Variants in RASGRF1 observed in about 807,000 individuals in gnomAD.
The protein encoded by RASGRF1 is ras-specific guanine nucleotide-releasing factor 1.
RASGRF1 carries 40 observed loss-of-function variants against 138.7 expected under a neutral mutation model. The ratio of observed to expected loss-of-function variants is 0.29; its 90% confidence interval spans 0.22 to 0.38. The LOEUF (loss-of-function observed/expected upper bound fraction) is 0.38. Among genes scored for constraint, RASGRF1 ranks in the 10% least tolerant of loss-of-function variants. The pLI is 1.00. For synonymous variants in RASGRF1, 614 were observed against 663.2 expected, an observed-to-expected ratio of 0.93 and a Z score of 1.14; for missense variants, 1,108 against 1,650.4, an observed-to-expected ratio of 0.67 and a Z score of 5.69.
Position 79,050,362 on chromosome 15 carries a change from T to C in RASGRF1, c.532-774A>G, listed in dbSNP as rs2057414165. Among the ~76,000 whole-genome samples the C allele has an allele frequency of 6.6e-6, 1 of 152,250 alleles. No individual in the cohort carries two copies. On this transcript the variant is annotated intron_variant, in intron 3 of 26. Transcript: ENST00000558480. The surrounding 1 kb of genome is among the most constrained non-coding windows in gnomAD (Gnocchi z 4.1). ...TTCAAGGCCAAGCAATATTCCCTTGTGTGTGTAGACCACATTTTATTTATC... is the reference window on the plus strand; with the variant it reads ...TTCAAGGCCAAGCAATATTCCCTTGCGTGTGTAGACCACATTTTATTTATC...
In RASGRF1 at chr15:78,986,681, TA is replaced by T. The variant is rs981716543; in HGVS notation, c.3217-1478del. On this transcript the variant is annotated intron_variant, in intron 22 of 26. Transcript: ENST00000558480. ...GTTTAATTATTTTAAAATAAAAAGT[TA>T]AAAAAAAGACTACTACTTTAAAAAA... Among the ~76,000 whole-genome samples, 17 of 151,558 alleles carry T rather than the reference TA, an allele frequency of 1.1e-4. 1 individual carries two copies. Among genetic ancestry groups the T allele is most frequent in the African/African-American group, 2.9e-4 (12 of 41,234 alleles).
At chr15:79,009,838 C>A (rs572999808) in intron 13 of RASGRF1, among the ~76,000 whole-genome samples, 1 of 152,016 alleles carries the variant, frequency 6.6e-6, no homozygotes, top group Non-Finnish European at 1.5e-5. Flanking sequence ...GATTCTCCTG[C>A]CTCAGCCTCC....
intron 1 of RASGRF1, among the ~76,000 whole-genome samples, chr15:79,074,560 C>A (rs1355374741): frequency 1.3e-5 from 2 of 152,228 alleles, no homozygotes; most frequent in Non-Finnish European, 2.9e-5. Context: ...CTGGAAGGTG[C>A]CATGGGCTGT....
At position 79,090,683 on chromosome 15, in the gene RASGRF1, T is replaced by G; in HGVS notation, c.-185A>C. 2.6e-6 allele frequency: 2 copies of G among 769,632 alleles called. No individual in the cohort carries two copies. The highest frequency in any genetic ancestry group is 4.0e-6 in the Non-Finnish European group (2 of 495,988). The allele number at this position is 769,632 out of a possible 1,614,324, so 47.7% of individuals were successfully genotyped here. ...AGCCGCGGCTTCTTGAATCCAGATA[T>G]ACCATTCCCCGCTGGAACCTCTTCT... On this transcript the variant is annotated 5_prime_UTR_variant, in exon 1 of 27. Transcript: ENST00000558480.
intron 12 of RASGRF1, 68 bp downstream of exon 12, chr15:79,017,695 TGCCACCA>T (rs1221080384): frequency 1.4e-4 from 119 of 880,034 alleles, no homozygotes; most frequent in Non-Finnish European, 2.0e-4. Context: ...ACCCCCTACC[TGCCACCA>T]GCCAAATCCC....
At chr15:79,002,548 C>CAT (rs767604041) in intron 15 of RASGRF1, among the ~76,000 whole-genome samples, 6 of 152,192 alleles carry the variant, frequency 3.9e-5, no homozygotes, top group African/African-American at 7.2e-5. Context: ...AACAAATACA[C>CAT]ATACACACAC....
At chr15:79,045,034 G>C (rs1450947102) in intron 5 of RASGRF1, among the ~76,000 whole-genome samples, 1 of 152,158 alleles carries the variant, frequency 6.6e-6, no homozygotes, top group African/African-American at 2.4e-5. Context: ...AGTTTGCAAT[G>C]GTGGCCTAAA....
At chr15:79,072,094 T>C (rs2057763742) in intron 1 of RASGRF1, among the ~76,000 whole-genome samples, 1 of 152,020 alleles carries the variant, frequency 6.6e-6, no homozygotes, top group South Asian at 2.1e-4. Flanking sequence ...ACAGGCCTGC[T>C]TTGGTTCAAG....
rs543423272 is a variant in RASGRF1 at position 78,979,032 on chromosome 15, A to G, written c.3494+1588T>C. On this transcript the variant is annotated intron_variant, in intron 24 of 26. Coordinates refer to ENST00000558480, the MANE Select transcript of RASGRF1 (RefSeq NM_001145648.3). Reference sequence around the variant, plus strand: ...GAGGCAGCGGTGGTGGCGGCGGCAGACGAGGAAGCCAGCCATGTGAGGAGG... The same window carrying G: ...GAGGCAGCGGTGGTGGCGGCGGCAGGCGAGGAAGCCAGCCATGTGAGGAGG... 3 of 1,293,030 alleles carry G rather than the reference A, an allele frequency of 2.3e-6. No homozygotes were observed. In the African/African-American group the frequency reaches 4.6e-5, roughly 20 times the overall value. 80.1% of individuals were successfully genotyped at this position (1,293,030 alleles called of 1,614,324 possible). A position where few individuals can be genotyped will look rare whatever the true frequency, so the allele number is the denominator to read the frequency against.
chr15:78,999,606 A>C, intron 17 of RASGRF1, 137 bp downstream of exon 17: 1 of 1,066,006 alleles, frequency 9.4e-7, no homozygotes. Flanking sequence ...TGGGTGCTTT[A>C]ACAGGACCCA....
In RASGRF1 at chr15:78,999,593, G is replaced by A. The variant is rs1322030460; in HGVS notation, c.2746+150C>T. Reference sequence around the variant, plus strand: ...TCAATTGAAGCAGGGAGCTCCCCGAGGGTGGGTGCTTTAACAGGACCCACC... The same window carrying A: ...TCAATTGAAGCAGGGAGCTCCCCGAAGGTGGGTGCTTTAACAGGACCCACC... On this transcript the variant is annotated intron_variant, in intron 17 of 26. Transcript: ENST00000558480. 7.2e-6 allele frequency: 6 copies of A among 833,896 alleles called. No homozygotes were observed. In the East Asian group the frequency reaches 1.6e-4, roughly 22 times the overall value. 51.7% of individuals were successfully genotyped at this position (833,896 alleles called of 1,614,324 possible).
chr15:79,078,067 G>C (rs2057861991), intron 1 of RASGRF1, among the ~76,000 whole-genome samples: 1 of 152,046 alleles, frequency 6.6e-6, no homozygotes, highest in South Asian at 2.1e-4. Context: ...GCCCACAGGT[G>C]CTGTGCTTCT....
chr15:79,030,337 C>T (rs2057119501), intron 8 of RASGRF1, among the ~76,000 whole-genome samples: 1 of 152,154 alleles, frequency 6.6e-6, no homozygotes, highest in African/African-American at 2.4e-5. Flanking sequence ...TAGTTCTGAC[C>T]ACAAGGCCCT....
chr15:79,084,684 C>T (rs1177839527), intron 1 of RASGRF1, among the ~76,000 whole-genome samples: 1 of 152,212 alleles, frequency 6.6e-6, no homozygotes, highest in South Asian at 2.1e-4. Context: ...GCATTAAAGC[C>T]CTTTTCTGCC....
Position 79,050,977 on chromosome 15 carries a change from T to G in RASGRF1, c.532-1389A>C, listed in dbSNP as rs1478948835. Among the ~76,000 whole-genome samples, 1 of 152,206 alleles carries G rather than the reference T, an allele frequency of 6.6e-6. No homozygotes were observed. The highest frequency in any genetic ancestry group is 1.5e-5 in the Non-Finnish European group (1 of 68,046). On this transcript the variant is annotated intron_variant, in intron 3 of 26. Transcript: ENST00000558480. This position sits in a 1 kb window ranked among gnomAD's most constrained non-coding sequence, Gnocchi z 4.1. ...TGGTGCCTAGCGCAAGGTTGGGCACTCAACACATTCTTGTTGTCTACACAA... is the reference window on the plus strand; with the variant it reads ...TGGTGCCTAGCGCAAGGTTGGGCACGCAACACATTCTTGTTGTCTACACAA...
rs761589956 is a variant in RASGRF1 at position 78,980,606 on chromosome 15, C to T, written c.3494+14G>A. ...GATTTTAAAAATAACAGCGACAAAA[C>T]GACACACACTTACTTTTTCAGAGCT... On this transcript the variant is annotated intron_variant, in intron 24 of 26. Transcript: ENST00000558480. 39 of 1,581,638 alleles carry T rather than the reference C, an allele frequency of 2.5e-5. No homozygotes were observed. Among genetic ancestry groups the T allele is most frequent in the South Asian group, 2.2e-4 (20 of 89,694 alleles).
chr15:78,997,593 G>A (rs2056421603), intron 19 of RASGRF1, among the ~76,000 whole-genome samples: 1 of 151,976 alleles, frequency 6.6e-6, no homozygotes, highest in Non-Finnish European at 1.5e-5. Context: ...AAAATTAGCT[G>A]GGCGTGGTGG....
At chr15:79,010,371 T>G (rs1211581325) in intron 13 of RASGRF1, among the ~76,000 whole-genome samples, 2 of 152,160 alleles carry the variant, frequency 1.3e-5, no homozygotes, top group Admixed American at 6.5e-5. Flanking sequence ...TATCCTGCAC[T>G]TCAGCTTCCC....
intron 1 of RASGRF1, among the ~76,000 whole-genome samples, chr15:79,077,533 C>T (rs558941996): frequency 1.6e-4 from 25 of 152,288 alleles, no homozygotes; most frequent in Non-Finnish European, 2.8e-4. Flanking sequence ...ATACACACAA[C>T]GTAGGATCCA....
Sources: allele counts gnomAD v4.1 joint callset (sites outside exome capture counted in the v4.1 genomes callset), GRCh38; gene constraint gnomAD v4.1.1; non-coding constraint Gnocchi (gnomAD v3.1); transcripts MANE v1.5; gene names NCBI Gene and HGNC (gene_info 2026-07-23, HGNC 2026-07-21).